Variants in LPAR3 observed in about 807,000 individuals in gnomAD.
The protein encoded by LPAR3 is lysophosphatidic acid receptor 3, also known as LPA receptor 3.
A neutral mutation model predicts 17.8 loss-of-function variants in LPAR3; 7 were observed. The ratio of observed to expected loss-of-function variants is 0.39; its 90% CI spans 0.22 to 0.74. The LOEUF is 0.74. Among genes scored for constraint, LPAR3 ranks in the 30% least tolerant of loss-of-function variants. LPAR3 has a pLI of 0.40. For synonymous variants in LPAR3, 179 were observed against 179.9 expected (o/e 0.99, Z 0.04); for missense variants, 391 against 453.4 (o/e 0.86, Z 1.25).
chr1:84,856,044 G>A (rs1291644568), intron 2 of LPAR3, among the ~76,000 whole-genome samples: 2 of 152,128 alleles, frequency 1.3e-5, no homozygotes, highest in African/African-American at 4.8e-5. Context: ...AGGAAGGGAT[G>A]TGTCAAACAG....
intron 1 of LPAR3, among the ~76,000 whole-genome samples, chr1:84,874,059 G>A: frequency 6.6e-6 from 1 of 152,128 alleles, no homozygotes; most frequent in African/African-American, 2.4e-5. Flanking sequence ...AGCCTCTTTA[G>A]AACAAATCTT....
intron 1 of LPAR3, among the ~76,000 whole-genome samples, chr1:84,871,458 G>A (rs942364289): frequency 2.0e-5 from 3 of 152,116 alleles, no homozygotes; most frequent in African/African-American, 4.8e-5. Context: ...TGGCTTTTTA[G>A]CTGGCTTTCA....
intron 1 of LPAR3, among the ~76,000 whole-genome samples, chr1:84,876,860 CA>C (rs767265263): frequency 1.6e-4 from 24 of 152,298 alleles, no homozygotes; most frequent in Non-Finnish European, 3.2e-4. Context: ...ATCACATTCC[CA>C]AGGGCATGGA....
chr1:84,815,406 C>G (rs928620729), intron 2 of LPAR3, among the ~76,000 whole-genome samples: 3 of 152,286 alleles, frequency 2.0e-5, no homozygotes, highest in Non-Finnish European at 1.5e-5. Context: ...ACTCAGGGAG[C>G]TAAAATACTA....
At chr1:84,882,518 T>C (rs1321894754) in intron 1 of LPAR3, among the ~76,000 whole-genome samples, 1 of 152,144 alleles carries the variant, frequency 6.6e-6, no homozygotes, top group Non-Finnish European at 1.5e-5. Flanking sequence ...CAAAGGACCC[T>C]GAATAGCTAA....
intron 2 of LPAR3, among the ~76,000 whole-genome samples, chr1:84,827,772 T>C (rs934270399): frequency 6.6e-6 from 1 of 152,140 alleles, no homozygotes; most frequent in Non-Finnish European, 1.5e-5. Flanking sequence ...ATAAAGCACA[T>C]TGAAAGGCTT....
chr1:84,819,055 T>A (rs937563210), intron 2 of LPAR3, among the ~76,000 whole-genome samples: 2 of 152,240 alleles, frequency 1.3e-5, no homozygotes, highest in African/African-American at 4.8e-5. Context: ...CTTACATGTT[T>A]AACAAAGTAT....
chr1:84,877,148 A>C (rs1660274305), intron 1 of LPAR3, among the ~76,000 whole-genome samples: 1 of 152,230 alleles, frequency 6.6e-6, no homozygotes, highest in Admixed American at 6.5e-5. Flanking sequence ...GACACTACAG[A>C]GAAGGAAGAA....
intron 2 of LPAR3, among the ~76,000 whole-genome samples, chr1:84,831,681 A>G (rs907116247): frequency 2.6e-5 from 4 of 151,810 alleles, no homozygotes; most frequent in African/African-American, 9.7e-5. Flanking sequence ...TGGTTTCAAT[A>G]TATCTGATGT....
chr1:84,843,223 C>T (rs953710511), intron 2 of LPAR3, among the ~76,000 whole-genome samples: 1 of 152,210 alleles, frequency 6.6e-6, no homozygotes, highest in African/African-American at 2.4e-5. Context: ...TTCCTGTCCT[C>T]TTTTGCCCTC....
chr1:84,855,944 T>C (rs2389787), intron 2 of LPAR3, among the ~76,000 whole-genome samples: 4,923 of 152,136 alleles, frequency 0.032, 125 homozygotes, highest in Non-Finnish European at 0.052. Flanking sequence ...TGGAGTGCCA[T>C]ATGAGGGATT....
chr1:84,854,631 C>T (rs1022601444), intron 2 of LPAR3, among the ~76,000 whole-genome samples: 7 of 152,160 alleles, frequency 4.6e-5, no homozygotes, highest in African/African-American at 1.2e-4. Flanking sequence ...AGGGTAGAGG[C>T]CATGTCTCAT....
At chr1:84,819,998 G>A (rs184376346) in intron 2 of LPAR3, among the ~76,000 whole-genome samples, 1 of 152,264 alleles carries the variant, frequency 6.6e-6, no homozygotes, top group East Asian at 1.9e-4. Context: ...TCTGGGTCAG[G>A]CAGTGTGCTC....
chr1:84,857,213 T>A (rs1570887389), intron 2 of LPAR3, among the ~76,000 whole-genome samples: 1 of 152,312 alleles, frequency 6.6e-6, no homozygotes, highest in South Asian at 2.1e-4. Context: ...GGCATTCTGC[T>A]TGAATACAGG....
intron 2 of LPAR3, among the ~76,000 whole-genome samples, chr1:84,852,959 A>G (rs1323897649): frequency 6.6e-6 from 1 of 152,130 alleles, no homozygotes; most frequent in Non-Finnish European, 1.5e-5. Context: ...GAAAATAAAC[A>G]AGAGTAAAAA....
chr1:84,874,899 ATTTT>A (rs11310847), intron 1 of LPAR3, among the ~76,000 whole-genome samples: 1 of 137,276 alleles, frequency 7.3e-6, no homozygotes, highest in Admixed American at 7.3e-5. Flanking sequence ...GAGAATGTCA[ATTTT>A]TTTTTTTTTT....
intron 2 of LPAR3, among the ~76,000 whole-genome samples, chr1:84,852,269 T>C (rs1474123710): frequency 6.6e-6 from 1 of 152,004 alleles, no homozygotes; most frequent in Non-Finnish European, 1.5e-5. Flanking sequence ...TTTTAGTAGA[T>C]GGGGTTTCAC....
chr1:84,817,164 T>G lies in LPAR3; in HGVS notation c.737-2993A>C, dbSNP rs185972484. ...TTCCCAGCAGTCATAGTCTGAGCATTGAGGCTAAATACTCAAAAGACATTC... is the reference window on the plus strand; with the variant it reads ...TTCCCAGCAGTCATAGTCTGAGCATGGAGGCTAAATACTCAAAAGACATTC... On this transcript the variant is annotated intron_variant, in intron 2 of 2. Coordinates refer to ENST00000370611, the MANE Select transcript of LPAR3 (RefSeq NM_012152.3). 1.7e-4 allele frequency among the ~76,000 whole-genome samples: 26 copies of G among 152,264 alleles called. No homozygotes were observed. The East Asian group carries it at 4.8e-3, about 28-fold the overall frequency.
At chr1:84,844,390 G>A (rs1044489311) in intron 2 of LPAR3, among the ~76,000 whole-genome samples, 3 of 152,222 alleles carry the variant, frequency 2.0e-5, no homozygotes, top group Admixed American at 6.5e-5. Context: ...GAAAGCATAA[G>A]GAGAAAGATT....
Sources: gnomAD v4.1 joint callset for allele counts (sites outside exome capture counted in the v4.1 genomes callset) on GRCh38, gnomAD v4.1.1 for gene constraint, MANE v1.5 for transcripts, NCBI Gene and HGNC (gene_info 2026-07-23, HGNC 2026-07-21) for gene names.